Variants in ATP6V0A4 observed in about 807,000 individuals in gnomAD.
ATP6V0A4 encodes ATPase H+ transporting V0 subunit a4.
ATP6V0A4 carries 86 observed loss-of-function variants against 107.3 expected under a neutral mutation model. That is an observed-to-expected ratio of 0.80 (90% CI 0.67 to 0.96). The LOEUF (loss-of-function observed/expected upper bound fraction) is 0.96, where lower values mean the gene tolerates loss of function less well. ATP6V0A4 is among the 40% of genes least tolerant of loss of function. The probability of loss-of-function intolerance (pLI) is 0.00; values close to 1 mark genes in which losing one functional copy is unlikely to be tolerated. For missense variants in ATP6V0A4, 908 were observed against 1,045.6 expected, an observed-to-expected ratio of 0.87 and a Z score of 1.81; for synonymous variants, 353 against 381.4, an observed-to-expected ratio of 0.93 and a Z score of 0.87.
At chr7:138,742,900 CAAAAA>C (rs563017805) in intron 14 of ATP6V0A4, among the ~76,000 whole-genome samples, 1 of 131,684 alleles carries the variant, frequency 7.6e-6, no homozygotes, top group Non-Finnish European at 1.6e-5. Context: ...AATTGCAAAG[CAAAAA>C]AAAAAAAAAA....
chr7:138,777,754 A>G (rs1381520501), intron 2 of ATP6V0A4, among the ~76,000 whole-genome samples: 2 of 152,208 alleles, frequency 1.3e-5, no homozygotes, highest in African/African-American at 2.4e-5. Context: ...TGTACAGTAT[A>G]TATACAGCAA....
chr7:138,739,593 G>T lies in ATP6V0A4; in HGVS notation c.1519C>A (p.Pro507Thr). 2 of 1,614,058 alleles carry T rather than the reference G, an allele frequency of 1.2e-6. No homozygotes were observed. Among genetic ancestry groups the T allele is most frequent in the Non-Finnish European group, 1.7e-6 (2 of 1,180,018 alleles). Residue 507 changes from proline to threonine, a missense_variant, in exon 15 of 22, where the codon CCA becomes ACA. Physicochemically the swap from Pro to Thr is conservative, Grantham distance 38. Transcript: ENST00000310018. ...MEESLYLQLD[P>T]AIPGVYFGNP... ...CCAAAATACACTCCTGGTATGGCTG[G>T]GTCCAGCTGCAGATATAGACTTTCC...
chr7:138,723,890 C>T (rs1804566763), intron 18 of ATP6V0A4, among the ~76,000 whole-genome samples: 1 of 151,904 alleles, frequency 6.6e-6, no homozygotes, highest in Admixed American at 6.6e-5. Flanking sequence ...AGAGCAAAGA[C>T]AGTAGTTCAC....
chr7:138,790,235 C>G lies in ATP6V0A4; in HGVS notation c.-120-3975G>C, dbSNP rs1468105889. On this transcript the variant is annotated intron_variant, in intron 1 of 21. Transcript: ENST00000310018. ...ATATCCTGCTTTTCTGTTTTGTATA[C>G]TATGGCAAATGTTTTCCCAAGTGAT... is the stretch of plus-strand genomic sequence containing the variant. Among the ~76,000 whole-genome samples the G allele has an allele frequency of 2.0e-5, 3 of 152,050 alleles. 1 individual carries two copies. Among genetic ancestry groups the G allele is most frequent in the African/African-American group, 7.2e-5 (3 of 41,402 alleles).
At position 138,745,292 on chromosome 7, in the gene ATP6V0A4, G is replaced by C. The variant is rs1044535580; in HGVS notation, c.1321-12C>G. 3.7e-6 allele frequency: 6 copies of C among 1,613,908 alleles called. No homozygotes were observed. The Admixed American group carries it at 1.0e-4, about 27-fold the overall frequency. The stretch of plus-strand genomic sequence containing the variant: ...AAGGTGTTCCAAATCTGGCCTCAGA[G>C]AGACAGAGAGGATGATTGTCAGTGG... On this transcript the variant is annotated splice_polypyrimidine_tract_variant and intron_variant, in intron 13 of 21. Transcript: ENST00000310018.
chr7:138,747,555 G>C lies in ATP6V0A4; in HGVS notation c.1190C>G (p.Thr397Ser), dbSNP rs1195967362. ...GAACAGGAAGGGGAAAGTGATGATG[G>C]TGTAGGGGGCTGCGGAGGGGAGACA... ...SYREINPAPY[T>S]IITFPFLFAV... The change falls in exon 13 of 22, where the codon ACC becomes AGC. Residue 397 changes from threonine to serine, a missense_variant. Thr to Ser is a moderately conservative substitution (Grantham distance 58, BLOSUM62 1). Coordinates refer to ENST00000310018, the MANE Select transcript of ATP6V0A4 (RefSeq NM_020632.3). The C allele has an allele frequency of 6.2e-7, 1 of 1,614,056 alleles. No homozygotes were observed. The highest frequency in any genetic ancestry group is 8.5e-7 in the Non-Finnish European group (1 of 1,180,008).
chr7:138,784,850 A>C (rs1235815289), intron 2 of ATP6V0A4, among the ~76,000 whole-genome samples: 1 of 152,170 alleles, frequency 6.6e-6, no homozygotes, highest in East Asian at 1.9e-4. Context: ...TTAGCCTCAA[A>C]GGTCCCCGGC....
At chr7:138,763,864 G>A (rs2117319103) in intron 5 of ATP6V0A4, among the ~76,000 whole-genome samples, 1 of 151,330 alleles carries the variant, frequency 6.6e-6, no homozygotes, top group South Asian at 2.1e-4. Context: ...GGAGGCTGAG[G>A]CAGGAGATTC....
At position 138,734,225 on chromosome 7, in the gene ATP6V0A4, T is replaced by C. The variant is rs1466329763; in HGVS notation, c.1602A>G (p.Thr534=). 5 of 1,613,580 alleles carry C rather than the reference T, an allele frequency of 3.1e-6. No homozygotes were observed. Among genetic ancestry groups the C allele is most frequent in the East Asian group, 4.5e-5 (2 of 44,862 alleles). The change falls in exon 16 of 22, where the codon ACA becomes ACG. Residue 534 remains threonine (T), a synonymous_variant. Coordinates refer to ENST00000310018, the MANE Select transcript of ATP6V0A4 (RefSeq NM_020632.3). ...TCTTCATTTTATACGAGTTCAGAAA[T>C]GTGAGTTTGTTTGAAGCCAAGTTCC... The part of the protein sequence containing the change: ...PIWNLASNKL[T]FLNSYKMKMS...
chr7:138,783,293 G>C (rs1400967858), intron 2 of ATP6V0A4, among the ~76,000 whole-genome samples: 2 of 152,094 alleles, frequency 1.3e-5, no homozygotes, highest in Non-Finnish European at 2.9e-5. Flanking sequence ...AACCATGGCT[G>C]CGTACGGTGG....
intron 2 of ATP6V0A4, 113 bp from the exon 3 acceptor site, chr7:138,771,377 G>C: frequency 8.2e-7 from 1 of 1,213,432 alleles, no homozygotes; most frequent in South Asian, 1.4e-5. Context: ...AATCCATTAG[G>C]AATCACTTCT....
Position 138,791,609 on chromosome 7 carries a change from G to A in ATP6V0A4, c.-120-5349C>T, listed in dbSNP as rs148537910. 1.2e-3 allele frequency among the ~76,000 whole-genome samples: 187 copies of A among 152,294 alleles called. 2 individuals are homozygous for A. Among genetic ancestry groups the A allele is most frequent in the African/African-American group, 4.2e-3 (175 of 41,568 alleles). On this transcript the variant is annotated intron_variant, in intron 1 of 21. Transcript: ENST00000310018. ...AAAGAGGCAAATTATCTGCAATGAA[G>A]CCCCAGTGAGGTGGACAGTTCTCAA...
At chr7:138,756,622 T>C in intron 8 of ATP6V0A4, 82 bp from the exon 9 acceptor site, 4 of 1,513,110 alleles carry the variant, frequency 2.6e-6, no homozygotes, top group Non-Finnish European at 3.6e-6. Flanking sequence ...TAAAGTCCTG[T>C]TTTTAGGCTT....
chr7:138,777,575 A>G (rs1002039575), intron 2 of ATP6V0A4, among the ~76,000 whole-genome samples: 5 of 147,492 alleles, frequency 3.4e-5, no homozygotes. Context: ...AGATCGTGCC[A>G]TTGCACCCCA....
intron 2 of ATP6V0A4, among the ~76,000 whole-genome samples, chr7:138,784,289 TACACACACACACAC>T (rs537165545): frequency 6.9e-5 from 3 of 43,788 alleles, no homozygotes; most frequent in African/African-American, 2.0e-4. Flanking sequence ...TACATATATA[TACACACACACACAC>T]ACACATATAT....
chr7:138,721,898 TC>T lies in ATP6V0A4; in HGVS notation c.2137del (p.Glu713SerfsTer50), dbSNP rs1804439932. 2 of 1,613,970 alleles carry T rather than the reference TC, an allele frequency of 1.2e-6. No individual in the cohort carries two copies. Among genetic ancestry groups the T allele is most frequent in the Middle Eastern group, 1.6e-4 (1 of 6,062 alleles). Reference protein sequence around the residue: ...THGALDDHGEEFNFGDVFVHQ... With the variant: ...THGALDDHGEXFNFGDVFVHQ... ...CTCAGGGGCTCTCGTCCCAGATACC[TC>T]TTCTCCATGGTCGTCCAGAGCCCCG... On this transcript the variant is annotated frameshift_variant and splice_region_variant, in exon 19 of 22. Coordinates refer to ENST00000310018, the MANE Select transcript of ATP6V0A4 (RefSeq NM_020632.3). LOFTEE classifies it high-confidence loss of function.
chr7:138,710,610 T>A (rs578123962), intron 20 of ATP6V0A4, among the ~76,000 whole-genome samples: 30 of 152,330 alleles, frequency 2.0e-4, no homozygotes, highest in African/African-American at 6.5e-4. Context: ...AAAATGTTTT[T>A]AAAAAGATTG....
At chr7:138,746,818 G>C (rs1805975843) in intron 13 of ATP6V0A4, among the ~76,000 whole-genome samples, 1 of 152,082 alleles carries the variant, frequency 6.6e-6, no homozygotes, top group Non-Finnish European at 1.5e-5. Context: ...AATAAACTTT[G>C]AACCAATGCA....
At chr7:138,741,821 C>T (rs1206010497) in intron 14 of ATP6V0A4, among the ~76,000 whole-genome samples, 2 of 152,180 alleles carry the variant, frequency 1.3e-5, no homozygotes, top group Non-Finnish European at 2.9e-5. Flanking sequence ...GGTCCAAGAC[C>T]CAGGTCGCAG....
Sources: gnomAD v4.1 joint callset for allele counts (sites outside exome capture counted in the v4.1 genomes callset) on GRCh38, gnomAD v4.1.1 for gene constraint, MANE v1.5 for transcripts, NCBI Gene and HGNC (gene_info 2026-07-23, HGNC 2026-07-21) for gene names.